WWOX: variants seen among roughly 807,000 people sequenced by gnomAD.
WWOX encodes WW domain containing oxidoreductase, also known as WW domain-containing oxidoreductase.
In WWOX, 69 loss-of-function variants were observed where a neutral mutation model predicts 46.2. The ratio of observed to expected loss-of-function variants is 1.49; its 90% CI spans 1.23 to 1.82. The LOEUF (loss-of-function observed/expected upper bound fraction) is 1.82, where lower values mean the gene tolerates loss of function less well. WWOX is among the 40% of genes most tolerant of loss of function. The probability of loss-of-function intolerance (pLI) is 0.00; values close to 1 mark genes in which losing one functional copy is unlikely to be tolerated. For missense variants in WWOX, 919 were observed against 542.6 expected, an observed-to-expected ratio of 1.69 and a Z score of -6.89; for synonymous variants, 359 against 202.6, an observed-to-expected ratio of 1.77 and a Z score of -6.56.
chr16:79,109,875 T>C (rs1414449097), intron 8 of WWOX, among the ~76,000 whole-genome samples: 1 of 152,180 alleles, frequency 6.6e-6, no homozygotes, highest in Non-Finnish European at 1.5e-5. Context: ...CAGTACAAGA[T>C]TTGGCATTCT....
chr16:78,618,831 A>G (rs974299452), intron 8 of WWOX, among the ~76,000 whole-genome samples: 9 of 151,764 alleles, frequency 5.9e-5, no homozygotes, highest in East Asian at 2.0e-4. Context: ...TCAGTGACCA[A>G]TCACTCAGAC....
intron 8 of WWOX, among the ~76,000 whole-genome samples, chr16:78,748,900 T>G (rs940217819): frequency 1.1e-4 from 16 of 152,264 alleles, no homozygotes; most frequent in African/African-American, 3.9e-4. Flanking sequence ...CAAAGCAGCC[T>G]GACACATGGT....
intron 4 of WWOX, among the ~76,000 whole-genome samples, chr16:78,124,608 C>T (rs1347568075): frequency 1.3e-5 from 2 of 152,128 alleles, no homozygotes; most frequent in Admixed American, 6.5e-5. Flanking sequence ...TTGTGATCTC[C>T]CTTTGGCTTC....
intron 8 of WWOX, among the ~76,000 whole-genome samples, chr16:78,641,776 C>T (rs2046719342): frequency 6.6e-6 from 1 of 152,166 alleles, no homozygotes; most frequent in Non-Finnish European, 1.5e-5. Flanking sequence ...CAGAGCTCCC[C>T]TCCACTCGCC....
chr16:78,752,634 A>G (rs2142455392), intron 8 of WWOX, among the ~76,000 whole-genome samples: 1 of 152,300 alleles, frequency 6.6e-6, no homozygotes, highest in South Asian at 2.1e-4. Context: ...TCACTTTCAA[A>G]TCATGATAAA....
chr16:79,122,151 T>G (rs1050257082), intron 8 of WWOX, among the ~76,000 whole-genome samples: 1 of 152,084 alleles, frequency 6.6e-6, no homozygotes, highest in African/African-American at 2.4e-5. Context: ...AACACAGCTG[T>G]TTCTCAAATC....
At chr16:78,363,364 C>G (rs973332872) in intron 5 of WWOX, among the ~76,000 whole-genome samples, 3 of 151,904 alleles carry the variant, frequency 2.0e-5, no homozygotes, top group African/African-American at 7.3e-5. Flanking sequence ...GCCCCAAACT[C>G]CCAAGCTCCA....
intron 8 of WWOX, among the ~76,000 whole-genome samples, chr16:78,935,754 A>T (rs1170206526): frequency 6.7e-6 from 1 of 149,720 alleles, no homozygotes; most frequent in Non-Finnish European, 1.5e-5. Context: ...TTAAAGTATA[A>T]AAAAAAAAAT....
intron 8 of WWOX, among the ~76,000 whole-genome samples, chr16:79,027,705 C>T (rs1294126517): frequency 6.6e-6 from 1 of 151,792 alleles, no homozygotes; most frequent in Non-Finnish European, 1.5e-5. Flanking sequence ...CCTTACTCTA[C>T]CCAAGTAATG....
At chr16:79,012,963 G>A (rs777211992) in intron 8 of WWOX, among the ~76,000 whole-genome samples, 4 of 152,198 alleles carry the variant, frequency 2.6e-5, no homozygotes, top group South Asian at 2.1e-4. Context: ...AGGCCGAGGC[G>A]GGTGGATCGC....
chr16:78,386,732 A>C, intron 5 of WWOX, 128 bp from the exon 6 acceptor site: 1 of 748,228 alleles, frequency 1.3e-6, no homozygotes, highest in Non-Finnish European at 2.2e-6. Context: ...GATGATTTAT[A>C]TTCTCTCTGG....
chr16:79,068,118 T>C (rs906985769), intron 8 of WWOX, among the ~76,000 whole-genome samples: 6 of 152,270 alleles, frequency 3.9e-5, no homozygotes, highest in Middle Eastern at 3.4e-3. Flanking sequence ...CCCTAACCCA[T>C]TGTGGACACA....
chr16:78,970,053 A>T (rs965212295), intron 8 of WWOX, among the ~76,000 whole-genome samples: 10 of 152,184 alleles, frequency 6.6e-5, no homozygotes. Flanking sequence ...CTGTGATGGG[A>T]TTCAAGTAGT....
At chr16:78,675,869 A>G (rs1229405047) in intron 8 of WWOX, among the ~76,000 whole-genome samples, 2 of 152,120 alleles carry the variant, frequency 1.3e-5, no homozygotes, top group Non-Finnish European at 2.9e-5. Context: ...TTCTGATCAT[A>G]CCTGTGGCAT....
chr16:78,788,248 G>T (rs1212452600), intron 8 of WWOX, among the ~76,000 whole-genome samples: 1 of 152,192 alleles, frequency 6.6e-6, no homozygotes, highest in African/African-American at 2.4e-5. Flanking sequence ...ATTTACTCCT[G>T]TGGTGTTATG....
intron 8 of WWOX, among the ~76,000 whole-genome samples, chr16:78,790,916 G>T (rs551888688): frequency 6.6e-6 from 1 of 150,566 alleles, no homozygotes; most frequent in African/African-American, 2.4e-5. Flanking sequence ...CTACTCAGGA[G>T]GCTGAGGTGG....
intron 5 of WWOX, among the ~76,000 whole-genome samples, chr16:78,245,893 A>G (rs1209382427): frequency 2.0e-5 from 3 of 152,208 alleles, no homozygotes; most frequent in Non-Finnish European, 4.4e-5. Flanking sequence ...GGTCCTCTCC[A>G]TTCCAGAAAG....
chr16:78,267,221 A>G (rs1374769280), intron 5 of WWOX: 1 of 152,140 alleles, frequency 6.6e-6, no homozygotes, highest in African/African-American at 2.4e-5. Context: ...AGACACATAC[A>G]CACATGTACC....
At chr16:78,930,499 C>G (rs772701739) in intron 8 of WWOX, among the ~76,000 whole-genome samples, 1 of 147,952 alleles carries the variant, frequency 6.8e-6, no homozygotes, top group South Asian at 2.2e-4. Flanking sequence ...CCATGTTGCC[C>G]AGGCTGGTCT....
Sources: gnomAD v4.1 joint callset for allele counts (sites outside exome capture counted in the v4.1 genomes callset) on GRCh38, gnomAD v4.1.1 for gene constraint, MANE v1.5 for transcripts, NCBI Gene and HGNC (gene_info 2026-07-23, HGNC 2026-07-21) for gene names.